CDC40: variants seen among roughly 807,000 people sequenced by gnomAD.
The protein encoded by CDC40 is pre-mRNA-processing factor 17.
Under a neutral mutation model 80.6 loss-of-function variants are expected in CDC40, and 27 were observed. The observed-to-expected ratio is 0.33, with a 90% confidence interval of 0.25 to 0.46. CDC40 has a LOEUF of 0.46. CDC40 is among the 20% of genes least tolerant of loss of function. The pLI is 1.00. For missense variants in CDC40, 486 were observed against 694.1 expected, an observed-to-expected ratio of 0.70 and a Z score of 3.37; for synonymous variants, 221 against 232.6, an observed-to-expected ratio of 0.95 and a Z score of 0.45.
At chr6:110,215,158 T>A (rs975337972) in intron 8 of CDC40, 128 bp from the exon 9 acceptor site, 3 of 684,872 alleles carry the variant, frequency 4.4e-6, no homozygotes, top group Non-Finnish European at 7.7e-6. Context: ...GTTTAATATT[T>A]AATGATTGAA....
chr6:110,186,783 T>C (rs1321469586), intron 1 of CDC40, among the ~76,000 whole-genome samples: 3 of 151,590 alleles, frequency 2.0e-5, no homozygotes, highest in Non-Finnish European at 2.9e-5. Context: ...TTTCTTTTTA[T>C]TTTTTCTGTT....
intron 1 of CDC40, among the ~76,000 whole-genome samples, chr6:110,186,088 A>G (rs1444027076): frequency 6.6e-6 from 1 of 152,196 alleles, no homozygotes; most frequent in African/African-American, 2.4e-5. Flanking sequence ...TGTCTGGTAT[A>G]ATACATGCAC....
intron 1 of CDC40, among the ~76,000 whole-genome samples, chr6:110,187,393 T>TA (rs1327470070): frequency 6.6e-6 from 1 of 152,226 alleles, no homozygotes; most frequent in Non-Finnish European, 1.5e-5. Flanking sequence ...TAAAGTAAAA[T>TA]AAAAATTCTG....
intron 6 of CDC40, chr6:110,211,514 G>C (rs1373559545): frequency 1.3e-5 from 2 of 152,006 alleles, no homozygotes; most frequent in East Asian, 3.8e-4. Context: ...TAGTACTATG[G>C]TACTTAAAAC....
intron 6 of CDC40, 122 bp from the exon 7 acceptor site, chr6:110,212,011 G>A: frequency 1.4e-6 from 1 of 738,860 alleles, no homozygotes; most frequent in Admixed American, 2.6e-5. Flanking sequence ...TCATTGGAGT[G>A]TTATTACCTA....
chr6:110,215,173 T>C lies in CDC40; in HGVS notation c.943-113T>C. 6.6e-6 allele frequency: 5 copies of C among 758,170 alleles called. No individual in the cohort carries two copies. In the South Asian group the frequency reaches 7.9e-5, roughly 12 times the overall value. The allele number at this position is 758,170 out of a possible 1,614,324, so 47.0% of individuals were successfully genotyped here. A position where few individuals can be genotyped will look rare whatever the true frequency, so the allele number is the denominator to read the frequency against. ...GTTTAATATTTAATGATTGAAGCTG[T>C]GCGTTTACACACACAGATGTGCACA... is the stretch of plus-strand genomic sequence containing the variant. On this transcript the variant is annotated intron_variant, in intron 8 of 14. Coordinates refer to ENST00000307731, the MANE Select transcript of CDC40 (RefSeq NM_015891.3).
intron 1 of CDC40, among the ~76,000 whole-genome samples, chr6:110,187,211 A>G (rs1053066898): frequency 6.6e-6 from 1 of 152,162 alleles, no homozygotes; most frequent in African/African-American, 2.4e-5. Flanking sequence ...TACATGCAAC[A>G]TTGTAAGGTT....
intron 1 of CDC40, among the ~76,000 whole-genome samples, chr6:110,186,785 T>C (rs985716744): frequency 6.6e-6 from 1 of 151,448 alleles, no homozygotes; most frequent in African/African-American, 2.4e-5. Context: ...TCTTTTTATT[T>C]TTTCTGTTCA....
intron 7 of CDC40, among the ~76,000 whole-genome samples, chr6:110,212,632 T>C (rs1777650707): frequency 6.6e-6 from 1 of 152,238 alleles, no homozygotes; most frequent in African/African-American, 2.4e-5. Flanking sequence ...AATTTTGCTT[T>C]AGCTCTGTGG....
At chr6:110,225,652 T>A (rs1295606659) in intron 12 of CDC40, among the ~76,000 whole-genome samples, 2 of 152,150 alleles carry the variant, frequency 1.3e-5, no homozygotes, top group African/African-American at 4.8e-5. Context: ...CACTCTCACC[T>A]CCTCAAGTTA....
intron 13 of CDC40, among the ~76,000 whole-genome samples, chr6:110,226,953 G>C (rs1246795148): frequency 1.3e-5 from 2 of 151,718 alleles, no homozygotes; most frequent in African/African-American, 4.8e-5. Context: ...CCAGGAGATT[G>C]ACTATGATCA....
chr6:110,207,971 A>T (rs563940162), intron 4 of CDC40, among the ~76,000 whole-genome samples: 1 of 152,346 alleles, frequency 6.6e-6, no homozygotes, highest in African/African-American at 2.4e-5. Flanking sequence ...TTTATTTGGT[A>T]AGTCTGTGAA....
intron 1 of CDC40, among the ~76,000 whole-genome samples, chr6:110,183,896 C>T (rs994126810): frequency 3.3e-5 from 5 of 151,952 alleles, no homozygotes; most frequent in Non-Finnish European, 7.4e-5. Flanking sequence ...TTTAGAAGAC[C>T]TTTACATATT....
intron 6 of CDC40, 87 bp downstream of exon 6, chr6:110,210,890 C>T (rs139163219): frequency 2.1e-4 from 105 of 510,802 alleles, no homozygotes; most frequent in African/African-American, 1.9e-3. Context: ...ATTACCCTTA[C>T]TATCAGCTGT....
intron 8 of CDC40, 29 bp downstream of exon 8, chr6:110,213,189 C>T (rs1777658546): frequency 4.5e-6 from 6 of 1,328,512 alleles, no homozygotes; most frequent in Non-Finnish European, 6.5e-6. Flanking sequence ...AGTAGGAGTG[C>T]TGCAAAGCTA....
chr6:110,228,753 C>T, intron 13 of CDC40, 79 bp from the exon 14 acceptor site: 2 of 1,071,084 alleles, frequency 1.9e-6, no homozygotes, highest in Admixed American at 6.1e-5. Flanking sequence ...ATATTAATCA[C>T]AGTGAACATA....
Position 110,182,169 on chromosome 6 carries a change from G to T in CDC40, c.189+1536G>T, listed in dbSNP as rs1434110489. ...AAATGCTCTGTACCTAATTTTTGCT[G>T]ATCTGTAAAGTAGGAATAACAGTAG... On this transcript the variant is annotated intron_variant, in intron 1 of 14. Coordinates refer to ENST00000307731, the MANE Select transcript of CDC40 (RefSeq NM_015891.3). 2.6e-5 allele frequency among the ~76,000 whole-genome samples: 4 copies of T among 152,304 alleles called. No homozygotes were observed. In the East Asian group the frequency reaches 5.8e-4, roughly 22 times the overall value.
intron 2 of CDC40, among the ~76,000 whole-genome samples, chr6:110,201,268 A>G (rs1332157150): frequency 6.6e-6 from 1 of 152,208 alleles, no homozygotes; most frequent in African/African-American, 2.4e-5. Flanking sequence ...GAACTTCTGC[A>G]ATAATGTGAA....
At chr6:110,223,806 T>G (rs183936298) in intron 12 of CDC40, among the ~76,000 whole-genome samples, 758 of 70,716 alleles carry the variant, frequency 0.011, 3 homozygotes, top group Admixed American at 0.017. Context: ...TGTAGGGTTT[T>G]GTTTTGTTTT....
Sources: allele counts gnomAD v4.1 joint callset (sites outside exome capture counted in the v4.1 genomes callset), GRCh38; gene constraint gnomAD v4.1.1; transcripts MANE v1.5; gene names NCBI Gene and HGNC (gene_info 2026-07-23, HGNC 2026-07-21).